The following FAM47E variants were observed in gnomAD, a reference collection of about 807,000 sequenced individuals.
FAM47E encodes protein FAM47E.
A neutral mutation model predicts 41.6 loss-of-function variants in FAM47E; 32 were observed. The ratio of observed to expected loss-of-function variants is 0.77; its 90% CI spans 0.58 to 1.03. The LOEUF (loss-of-function observed/expected upper bound fraction) is 1.03, where lower values mean the gene tolerates loss of function less well. FAM47E is among the 50% of genes least tolerant of loss of function. The pLI is 0.00. For missense variants in FAM47E, 424 were observed against 485.4 expected, an observed-to-expected ratio of 0.87 and a Z score of 1.19; for synonymous variants, 184 against 188.7, an observed-to-expected ratio of 0.98 and a Z score of 0.20.
chr4:76,214,504 G>A (rs1481640503), intron 1 of FAM47E: 1 of 352,874 alleles, frequency 2.8e-6, no homozygotes, highest in Non-Finnish European at 5.6e-6. Flanking sequence ...AGGCTCAGGT[G>A]TTCAGGGGGT....
intron 7 of FAM47E, chr4:76,283,100 A>G: frequency 3.8e-6 from 1 of 259,910 alleles, no homozygotes; most frequent in Non-Finnish European, 7.5e-6. Flanking sequence ...CCCAAGCCTT[A>G]GTAGCAGGGA....
At chr4:76,268,484 T>A in intron 3 of FAM47E, 176 bp from the exon 4 acceptor site, 1 of 588,512 alleles carries the variant, frequency 1.7e-6, no homozygotes, top group Non-Finnish European at 2.9e-6. Context: ...CTTGTCTTTA[T>A]GATATTCGTA....
intron 2 of FAM47E, among the ~76,000 whole-genome samples, chr4:76,235,414 G>T (rs1160835411): frequency 6.6e-6 from 1 of 152,096 alleles, no homozygotes; most frequent in East Asian, 1.9e-4. Flanking sequence ...TAAAATTAAG[G>T]TGGGGATTAG....
At chr4:76,278,616 A>G (rs1245622855) in intron 6 of FAM47E, 4 of 244,602 alleles carry the variant, frequency 1.6e-5, no homozygotes, top group Admixed American at 5.5e-5. Context: ...CCTATCAGCT[A>G]TGGGTGAATG....
upstream of FAM47E, chr4:76,251,687 G>T (rs1240582662): frequency 2.1e-6 from 3 of 1,399,932 alleles, no homozygotes; most frequent in Non-Finnish European, 2.8e-6. Context: ...TAGCAACGGG[G>T]CGGCAGCAGG....
upstream of FAM47E, among the ~76,000 whole-genome samples, chr4:76,249,414 G>A (rs1346570468): frequency 1.3e-5 from 2 of 152,226 alleles, no homozygotes; most frequent in East Asian, 3.9e-4. Flanking sequence ...TATTGCAGCT[G>A]TAGAAAATAT....
upstream of FAM47E, among the ~76,000 whole-genome samples, chr4:76,250,419 C>T (rs1733927671): frequency 6.6e-6 from 1 of 151,928 alleles, no homozygotes; most frequent in Non-Finnish European, 1.5e-5. Flanking sequence ...TTGTTTTTTT[C>T]TTGCTGGCTT....
At chr4:76,253,080 TGTAA>T (rs1734041284) in intron 1 of FAM47E, among the ~76,000 whole-genome samples, 1 of 152,216 alleles carries the variant, frequency 6.6e-6, no homozygotes, top group African/African-American at 2.4e-5. Flanking sequence ...TCTCCATTTC[TGTAA>T]GTTAGTTCTT....
intron 5 of FAM47E, among the ~76,000 whole-genome samples, chr4:76,272,325 T>C (rs1199919832): frequency 1.3e-5 from 2 of 152,238 alleles, no homozygotes; most frequent in Non-Finnish European, 2.9e-5. Flanking sequence ...TATTTACTTT[T>C]CTACAGTGTG....
At chr4:76,215,674 C>G (rs55889442) in intron 1 of FAM47E, among the ~76,000 whole-genome samples, 85,369 of 151,922 alleles carry the variant, frequency 0.56, 25,427 homozygotes, top group African/African-American at 0.67. Flanking sequence ...GGGGCCTTTG[C>G]AAATTCTTGC....
At chr4:76,244,818 G>A (rs1164720357) in intron 2 of FAM47E, among the ~76,000 whole-genome samples, 5 of 152,124 alleles carry the variant, frequency 3.3e-5, no homozygotes, top group Admixed American at 6.5e-5. Flanking sequence ...GATTACAGGC[G>A]TGAGCCACTG....
chr4:76,280,170 A>G (rs955682730), intron 6 of FAM47E, 94 bp from the exon 7 acceptor site: 3 of 728,666 alleles, frequency 4.1e-6, no homozygotes, highest in South Asian at 3.7e-5. Context: ...AAAATGAGAT[A>G]CTTTATAAGG....
rs183961659 is a variant in FAM47E at position 76,278,056 on chromosome 4, T to A, written c.871-13T>A. The A allele has an allele frequency of 3.8e-3, 5,669 of 1,474,452 alleles. 35 individuals are homozygous for A. Among genetic ancestry groups the A allele is most frequent in the Middle Eastern group, 9.1e-3 (51 of 5,618 alleles). 91.3% of individuals were successfully genotyped at this position (1,474,452 alleles called of 1,614,324 possible). ...AAAATCAATGGCACTGGGAATTATG[T>A]TACTTTCCACAGAATCCTTATAAGC... On this transcript the variant is annotated splice_polypyrimidine_tract_variant and intron_variant, in intron 5 of 7. Transcript: ENST00000424749.
chr4:76,253,366 T>TA (rs1396713918), intron 1 of FAM47E, among the ~76,000 whole-genome samples: 3 of 152,226 alleles, frequency 2.0e-5, no homozygotes, highest in Non-Finnish European at 4.4e-5. Context: ...TCTGAGAACA[T>TA]ACTTTTTCAT....
chr4:76,272,738 G>A (rs1734943103), intron 5 of FAM47E, among the ~76,000 whole-genome samples: 1 of 152,158 alleles, frequency 6.6e-6, no homozygotes, highest in African/African-American at 2.4e-5. Flanking sequence ...TGCTTGTCCT[G>A]ATTCTGGGCT....
At chr4:76,234,682 A>T (rs540570006) in intron 2 of FAM47E, 2 of 152,394 alleles carry the variant, frequency 1.3e-5, no homozygotes, top group South Asian at 4.1e-4. Flanking sequence ...GGCCAAGTTG[A>T]GAGGATCACT....
chr4:76,219,112 C>T (rs757349986), intron 2 of FAM47E, among the ~76,000 whole-genome samples: 2 of 152,100 alleles, frequency 1.3e-5, no homozygotes, highest in African/African-American at 2.4e-5. Context: ...CTTCTGGCCT[C>T]ATGCTTATTA....
intron 2 of FAM47E, among the ~76,000 whole-genome samples, chr4:76,245,445 A>C (rs148831142): frequency 1.4e-3 from 215 of 152,250 alleles, no homozygotes; most frequent in Middle Eastern, 6.8e-3. Context: ...GGGAGCTCCA[A>C]GAGAAGGAAG....
intron 2 of FAM47E, among the ~76,000 whole-genome samples, chr4:76,242,647 C>G (rs142950643): frequency 6.3e-4 from 96 of 152,204 alleles, no homozygotes; most frequent in African/African-American, 2.2e-3. Flanking sequence ...CCTCATGTGG[C>G]AAATGAATAC....
Sources: allele counts gnomAD v4.1 joint callset (sites outside exome capture counted in the v4.1 genomes callset), GRCh38; gene constraint gnomAD v4.1.1; transcripts MANE v1.5; gene names NCBI Gene and HGNC (gene_info 2026-07-23, HGNC 2026-07-21).